Variants in AKAP19 observed in about 807,000 individuals in gnomAD.
AKAP19 encodes the protein small A-kinase anchoring protein.
the AKAP19 span, among the ~76,000 whole-genome samples, chr2:190,065,091 T>C: frequency 1.3e-5 from 2 of 152,172 alleles, no homozygotes; most frequent in African/African-American, 4.8e-5. Context: ...TCTCATACTA[T>C]AAACAAATTC....
chr2:190,099,069 A>G, the AKAP19 span, among the ~76,000 whole-genome samples: 1 of 152,218 alleles, frequency 6.6e-6, no homozygotes, highest in East Asian at 1.9e-4. Flanking sequence ...AACTTTCTCC[A>G]TATTGGCAAA....
At chr2:190,134,560 G>A in the AKAP19 span, among the ~76,000 whole-genome samples, 3 of 151,860 alleles carry the variant, frequency 2.0e-5, no homozygotes, top group Admixed American at 1.3e-4. Context: ...ATTATTTACA[G>A]AGAAGCCAGT....
At chr2:190,071,928 A>G in the AKAP19 span, among the ~76,000 whole-genome samples, 1 of 152,184 alleles carries the variant, frequency 6.6e-6, no homozygotes, top group African/African-American at 2.4e-5. Context: ...AGACAAGGAA[A>G]TTTTATGATG....
chr2:190,010,067 G>C, the AKAP19 span, among the ~76,000 whole-genome samples: 30 of 152,318 alleles, frequency 2.0e-4, no homozygotes, highest in East Asian at 5.6e-3. Context: ...TAAACACCAT[G>C]CTCATGTGTT....
At chr2:190,130,812 G>T in the AKAP19 span, among the ~76,000 whole-genome samples, 1 of 152,112 alleles carries the variant, frequency 6.6e-6, no homozygotes, top group Non-Finnish European at 1.5e-5. Context: ...GCCAGAATAC[G>T]AAAATGTATA....
At chr2:189,890,453 A>G in the AKAP19 span, among the ~76,000 whole-genome samples, 1 of 152,196 alleles carries the variant, frequency 6.6e-6, no homozygotes, top group Non-Finnish European at 1.5e-5. Flanking sequence ...TCCAGAGCTG[A>G]GTTCAAGTCC....
At chr2:189,919,982 A>G in the AKAP19 span, among the ~76,000 whole-genome samples, 1 of 152,132 alleles carries the variant, frequency 6.6e-6, no homozygotes, top group Non-Finnish European at 1.5e-5. Flanking sequence ...TTTCCAACAA[A>G]TTTCACTACA....
the AKAP19 span, among the ~76,000 whole-genome samples, chr2:189,991,675 T>G: frequency 6.6e-6 from 1 of 152,220 alleles, no homozygotes; most frequent in Non-Finnish European, 1.5e-5. Flanking sequence ...TTATTTCTTT[T>G]GATGTGCAGA....
the AKAP19 span, among the ~76,000 whole-genome samples, chr2:190,028,005 T>A: frequency 6.6e-6 from 1 of 152,146 alleles, no homozygotes; most frequent in Admixed American, 6.6e-5. Flanking sequence ...TAACTGCCTT[T>A]TTTTAGTAAC....
the AKAP19 span, among the ~76,000 whole-genome samples, chr2:189,907,316 G>A: frequency 1.3e-5 from 2 of 151,990 alleles, no homozygotes; most frequent in African/African-American, 4.8e-5. Context: ...CTGGCTCCTT[G>A]GCTGTTCCTT....
At chr2:190,198,397 T>C in the AKAP19 span, among the ~76,000 whole-genome samples, 3 of 152,174 alleles carry the variant, frequency 2.0e-5, no homozygotes, top group Non-Finnish European at 2.9e-5. Context: ...TCCAAGCACT[T>C]TGGGAGGCTG....
At chr2:190,190,850 T>C in the AKAP19 span, among the ~76,000 whole-genome samples, 1 of 152,184 alleles carries the variant, frequency 6.6e-6, no homozygotes, top group Non-Finnish European at 1.5e-5. Flanking sequence ...ATGTTTAGAT[T>C]TGTTACAGCC....
chr2:190,038,932 T>TTCTTCTTCTTCTTCC, the AKAP19 span, among the ~76,000 whole-genome samples: 3 of 141,096 alleles, frequency 2.1e-5, no homozygotes, highest in South Asian at 2.2e-4. Flanking sequence ...CTTCTTCTTC[T>TTCTTCTTCTTCTTCC]TCTTCTTCTT....
chr2:190,119,686 T>A, the AKAP19 span, among the ~76,000 whole-genome samples: 1 of 152,180 alleles, frequency 6.6e-6, no homozygotes, highest in Non-Finnish European at 1.5e-5. Context: ...AACCCTTTTT[T>A]CCTCTCTATC....
the AKAP19 span, among the ~76,000 whole-genome samples, chr2:189,897,508 C>G: frequency 6.6e-6 from 1 of 152,076 alleles, no homozygotes; most frequent in Non-Finnish European, 1.5e-5. Flanking sequence ...TGATTTTTTA[C>G]AGTTCTTCAA....
chr2:190,076,901 C>T, the AKAP19 span, among the ~76,000 whole-genome samples: 1 of 152,290 alleles, frequency 6.6e-6, no homozygotes, highest in East Asian at 1.9e-4. Flanking sequence ...ATGACACATA[C>T]ATTAATTAGA....
chr2:189,916,247 C>A, the AKAP19 span, among the ~76,000 whole-genome samples: 6 of 151,938 alleles, frequency 3.9e-5, no homozygotes, highest in East Asian at 1.2e-3. Flanking sequence ...TGTTAATATA[C>A]TAAAGACAGA....
At chr2:190,129,466 A>G in the AKAP19 span, among the ~76,000 whole-genome samples, 2 of 152,254 alleles carry the variant, frequency 1.3e-5, no homozygotes, top group East Asian at 1.9e-4. Context: ...TGATTATGTT[A>G]TGTTCTTTAA....
chr2:189,934,757 A>G, the AKAP19 span, among the ~76,000 whole-genome samples: 2 of 151,664 alleles, frequency 1.3e-5, no homozygotes, highest in East Asian at 1.9e-4. Context: ...AAAAGATTAT[A>G]AAGAATTTAT....
Sources: gnomAD v4.1 joint callset for allele counts (sites outside exome capture counted in the v4.1 genomes callset) on GRCh38, gnomAD v4.1.1 for gene constraint, MANE v1.5 for transcripts, NCBI Gene and HGNC (gene_info 2026-07-23, HGNC 2026-07-21) for gene names.